The following APC2 variants were observed in gnomAD, a reference collection of about 807,000 sequenced individuals.
The protein encoded by APC2 is adenomatous polyposis coli protein 2.
A neutral mutation model predicts 72.5 loss-of-function variants in APC2; 41 were observed. That is an observed-to-expected ratio of 0.57 (90% CI 0.44 to 0.73). The LOEUF (loss-of-function observed/expected upper bound fraction) is 0.73. Among genes scored for constraint, APC2 ranks in the 30% least tolerant of loss-of-function variants. The probability of loss-of-function intolerance (pLI) is 0.00; values close to 1 mark genes in which losing one functional copy is unlikely to be tolerated. For missense variants in APC2, 3,729 were observed against 3,403.4 expected (o/e 1.10, Z -2.38); for synonymous variants, 1,898 against 1,612.0 (o/e 1.18, Z -4.25).
At chr19:1,447,117 C>T (rs2083694841), upstream of APC2, among the ~76,000 whole-genome samples, 1 of 152,198 alleles carries the variant, frequency 6.6e-6, no homozygotes, top group South Asian at 2.1e-4. Flanking sequence ...GCGGCCTGGA[C>T]CGGCCTACCC....
Position 1,471,411 on chromosome 19 carries a change from G to A in APC2, c.*1198G>A, listed in dbSNP as rs1301982534. The A allele has an allele frequency of 2.0e-5, 3 of 152,342 alleles. No homozygotes were observed. The highest frequency in any genetic ancestry group is 7.2e-5 in the African/African-American group (3 of 41,460). The allele number at this position is 152,342 out of a possible 1,614,324, so 9.4% of individuals were successfully genotyped here. A position where few individuals can be genotyped will look rare whatever the true frequency, so the allele number is the denominator to read the frequency against. ...GGGCCTTCCGGCAGGTGAACGCAGGGCTGGAGAGTATTTGGTGCCAGATGA... is the reference window on the plus strand; with the variant it reads ...GGGCCTTCCGGCAGGTGAACGCAGGACTGGAGAGTATTTGGTGCCAGATGA... On this transcript the variant is annotated 3_prime_UTR_variant, in exon 15 of 15. Transcript: ENST00000590469.
intron 8 of APC2, among the ~76,000 whole-genome samples, 159 bp from the exon 9 acceptor site, chr19:1,456,694 C>G (rs942391449): frequency 1.3e-5 from 2 of 152,082 alleles, no homozygotes; most frequent in Non-Finnish European, 2.9e-5. Context: ...CCAGCCTCCC[C>G]GAAGCACGTG....
In APC2 at chr19:1,457,010, AGGCCGCGGCCGGGGGTCGCGCCGG is replaced by A; in HGVS notation, c.979_1002del (p.Ala327_Ala334del). 1 of 1,529,286 alleles carries A rather than the reference AGGCCGCGGCCGGGGGTCGCGCCGG, an allele frequency of 6.5e-7. No individual in the cohort carries two copies. Among genetic ancestry groups the A allele is most frequent in the East Asian group, 2.5e-5 (1 of 39,736 alleles). 94.7% of individuals were successfully genotyped at this position (1,529,286 alleles called of 1,614,324 possible). A position where few individuals can be genotyped will look rare whatever the true frequency, so the allele number is the denominator to read the frequency against. On this transcript the variant is annotated inframe_deletion, in exon 9 of 15. Coordinates refer to ENST00000590469, the MANE Select transcript of APC2 (RefSeq NM_005883.3). ...CTGCTGCAAATCCTCCACGGCACCG[AGGCCGCGGCCGGGGGTCGCGCCGG>A]GGCCCCAGGGGCACCGGGCGCCAAG...
In APC2 at chr19:1,461,979, G is replaced by A; in HGVS notation, c.1655G>A (p.Ser552Asn). 6.2e-7 allele frequency: 1 copy of A among 1,612,000 alleles called. No homozygotes were observed. Among genetic ancestry groups the A allele is most frequent in the East Asian group, 2.2e-5 (1 of 44,842 alleles). ...CTCGTCCAGGAGTCCACCCTGAAGA[G>A]CGTGCTGAGCGCCCTGTGGAATCTG... ...LRATKESTLK[S>N]VLSALWNLSA... Residue 552 changes from serine (S) to asparagine (N), a missense_variant, in exon 14 of 15, where the codon AGC becomes AAC. Ser to Asn is a conservative substitution (Grantham distance 46). Coordinates refer to ENST00000590469, the MANE Select transcript of APC2 (RefSeq NM_005883.3).
At chr19:1,453,373 A>G in intron 3 of APC2, 36 bp downstream of exon 3, 1 of 1,610,904 alleles carries the variant, frequency 6.2e-7, no homozygotes, top group Non-Finnish European at 8.5e-7. Context: ...GGAGTGGGGG[A>G]GGCTGGGGGG....
At chr19:1,455,607 A>G in intron 6 of APC2, 107 bp downstream of exon 6, 21 of 1,118,674 alleles carry the variant, frequency 1.9e-5, no homozygotes, top group Non-Finnish European at 2.5e-5. Context: ...GAGGAGTCTT[A>G]TGCCTCCTGG....
At position 1,466,409 on chromosome 19, in the gene APC2, G is replaced by T. The variant is rs899517202; in HGVS notation, c.3108G>T (p.Leu1036=). Residue 1036 remains leucine, a synonymous_variant, in exon 15 of 15, where the codon CTG becomes CTT. Coordinates refer to ENST00000590469, the MANE Select transcript of APC2 (RefSeq NM_005883.3). ...AGGCCTGGCTGCCGGCAGACCACCT[G>T]AGCAAGGTTCCCGAGAAGCTGGCGG... ...RKQAWLPADH[L]SKVPEKLAAA... 1 of 1,596,614 alleles carries T rather than the reference G, an allele frequency of 6.3e-7. No individual in the cohort carries two copies.
chr19:1,447,003 C>T (rs1213230085), upstream of APC2, among the ~76,000 whole-genome samples: 1 of 152,054 alleles, frequency 6.6e-6, no homozygotes, highest in African/African-American at 2.4e-5. Context: ...CAAGAGAACG[C>T]GGGGCGGGGG....
In APC2 at chr19:1,452,891, C is replaced by CGGCTG; in HGVS notation, c.-18-90_-18-86dup. ...CCCCCCAACCCAGGATCAGGCAGGA[C>CGGCTG]GGCTGGGGCTTAGGTCAGGGGCCGT... On this transcript the variant is annotated intron_variant, in intron 1 of 14. Transcript: ENST00000590469. The surrounding 1 kb of genome is among the most constrained non-coding windows in gnomAD (Gnocchi z 5.1). 7.0e-7 allele frequency: 1 copy of CGGCTG among 1,434,616 alleles called. No individual in the cohort carries two copies. The highest frequency in any genetic ancestry group is 9.3e-7 in the Non-Finnish European group (1 of 1,069,804). 88.9% of individuals were successfully genotyped at this position (1,434,616 alleles called of 1,614,324 possible). A position where few individuals can be genotyped will look rare whatever the true frequency, so the allele number is the denominator to read the frequency against.
In APC2 at chr19:1,473,044, G is replaced by A. The variant is rs1464883130; in HGVS notation, c.*2831G>A. ...GTTGCCCCGGTCCAGCCCTGATGGCGCGCGCCTGGTCTGTCTGATTCCCCT... is the reference window on the plus strand; with the variant it reads ...GTTGCCCCGGTCCAGCCCTGATGGCACGCGCCTGGTCTGTCTGATTCCCCT... On this transcript the variant is annotated 3_prime_UTR_variant, in exon 15 of 15. Coordinates refer to ENST00000590469, the MANE Select transcript of APC2 (RefSeq NM_005883.3). The A allele has an allele frequency of 3.3e-5, 5 of 152,298 alleles. No individual in the cohort carries two copies. Among genetic ancestry groups the A allele is most frequent in the Non-Finnish European group, 5.9e-5 (4 of 68,116 alleles). 9.4% of individuals were successfully genotyped at this position (152,298 alleles called of 1,614,324 possible).
Position 1,467,719 on chromosome 19 carries a change from C to G in APC2, c.4418C>G (p.Pro1473Arg), listed in dbSNP as rs998272900. ...CTGGAGCTGCCCCTGGGCCGGCCCC[C>G]GAGCGCCCCCGCAGACAAGGACGGC... ...AGLELPLGRPPSAPADKDGSK... is the reference protein window; with the variant it reads ...AGLELPLGRPRSAPADKDGSK... The change falls in exon 15 of 15, where the codon CCG becomes CGG. Residue 1473 changes from proline to arginine, a missense_variant. Pro to Arg is a moderately radical substitution (Grantham distance 103). Coordinates refer to ENST00000590469, the MANE Select transcript of APC2 (RefSeq NM_005883.3). 2.9e-5 allele frequency: 41 copies of G among 1,436,944 alleles called. No homozygotes were observed. Among genetic ancestry groups the G allele is most frequent in the Non-Finnish European group, 3.4e-5 (37 of 1,103,832 alleles). 89.0% of individuals were successfully genotyped at this position (1,436,944 alleles called of 1,614,324 possible).
chr19:1,466,542 C>T lies in APC2; in HGVS notation c.3241C>T (p.Arg1081Cys), dbSNP rs568311415. ...CCTTTCCTCGCTGTCCTCGGCCGGC[C>T]GCCCAGGCCCCAGCGAGGGTGGTGA... ...SSLSSLSSAGRPGPSEGGDLD... is the reference protein window; with the variant it reads ...SSLSSLSSAGCPGPSEGGDLD... The change falls in exon 15 of 15, where the codon CGC (arginine) becomes TGC (cysteine). Residue 1081 changes from arginine to cysteine, a missense_variant. Transcript: ENST00000590469. The T allele has an allele frequency of 3.4e-5, 54 of 1,585,010 alleles. No homozygotes were observed. The highest frequency in any genetic ancestry group is 4.0e-5 in the African/African-American group (3 of 74,616).
Position 1,469,598 on chromosome 19 carries a change from C to T in APC2, c.6297C>T (p.Tyr2099=), listed in dbSNP as rs767073272. 40 of 1,259,100 alleles carry T rather than the reference C, an allele frequency of 3.2e-5. No individual in the cohort carries two copies. Among genetic ancestry groups the T allele is most frequent in the Middle Eastern group, 6.3e-4 (2 of 3,160 alleles). The allele number at this position is 1,259,100 out of a possible 1,614,324, so 78.0% of individuals were successfully genotyped here. The change falls in exon 15 of 15, where the codon TAC becomes TAT. Residue 2099 remains tyrosine (Y), a synonymous_variant. Coordinates refer to ENST00000590469, the MANE Select transcript of APC2 (RefSeq NM_005883.3). ...CCCGGCCGGAGACTGTCAAGCGCTA[C>T]GCGTCGCTGCCGCACATCAGCGTGG... ...PAARPETVKR[Y]ASLPHISVAR...
intron 14 of APC2, among the ~76,000 whole-genome samples, chr19:1,464,701 C>T (rs1384249060): frequency 2.2e-5 from 3 of 138,264 alleles, no homozygotes; most frequent in Admixed American, 7.6e-5. Flanking sequence ...GGCGCGATCT[C>T]GGCTCACTGC....
chr19:1,460,449 G>C, intron 11 of APC2, 129 bp downstream of exon 11: 1 of 1,414,084 alleles, frequency 7.1e-7, no homozygotes, highest in Non-Finnish European at 9.7e-7. Flanking sequence ...ACTTACAGAC[G>C]GGTAGACTGA....
chr19:1,469,864 A>G lies in APC2; in HGVS notation c.6563A>G (p.Asp2188Gly). The G allele has an allele frequency of 6.6e-7, 1 of 1,521,116 alleles. No individual in the cohort carries two copies. Among genetic ancestry groups the G allele is most frequent in the Non-Finnish European group, 8.8e-7 (1 of 1,141,448 alleles). 94.2% of individuals were successfully genotyped at this position (1,521,116 alleles called of 1,614,324 possible). Residue 2188 changes from aspartate to glycine, a missense_variant, in exon 15 of 15, where the codon GAC becomes GGC. Coordinates refer to ENST00000590469, the MANE Select transcript of APC2 (RefSeq NM_005883.3). ...PAGPPPRKTSDAVVQTEEVAA... is the reference protein window; with the variant it reads ...PAGPPPRKTSGAVVQTEEVAA... Reference sequence around the variant, plus strand: ...GGGCCCCCGCCGCGCAAGACCAGCGACGCCGTGGTCCAGACCGAGGAGGTC... The same window carrying G: ...GGGCCCCCGCCGCGCAAGACCAGCGGCGCCGTGGTCCAGACCGAGGAGGTC...
chr19:1,456,247 C>T (rs2083823853), intron 7 of APC2, 59 bp from the exon 8 acceptor site: 31 of 1,562,778 alleles, frequency 2.0e-5, no homozygotes, highest in Non-Finnish European at 2.6e-5. Context: ...CACATCATCA[C>T]GGGTGAGCAG....
chr19:1,467,706 C>A lies in APC2; in HGVS notation c.4405C>A (p.Leu1469Met). The A allele has an allele frequency of 6.9e-7, 1 of 1,446,424 alleles. No homozygotes were observed. Among genetic ancestry groups the A allele is most frequent in the South Asian group, 1.4e-5 (1 of 71,118 alleles). 89.6% of individuals were successfully genotyped at this position (1,446,424 alleles called of 1,614,324 possible). A position where few individuals can be genotyped will look rare whatever the true frequency, so the allele number is the denominator to read the frequency against. Residue 1469 changes from leucine (L) to methionine (M), a missense_variant, in exon 15 of 15, where the codon CTG becomes ATG. Physicochemically the swap from Leu to Met is conservative, Grantham distance 15. Transcript: ENST00000590469. ...GAACAGAGCAGGGCTGGAGCTGCCC[C>A]TGGGCCGGCCCCCGAGCGCCCCCGC... is the stretch of plus-strand genomic sequence containing the variant. The part of the protein sequence containing the change: ...GKNRAGLELP[L>M]GRPPSAPADK...
In APC2 at chr19:1,460,327, G is replaced by A. The variant is rs751074991; in HGVS notation, c.1443+7G>A. 7.9e-5 allele frequency: 127 copies of A among 1,613,046 alleles called. No individual in the cohort carries two copies. Among genetic ancestry groups the A allele is most frequent in the Middle Eastern group, 3.3e-4 (2 of 6,084 alleles). On this transcript the variant is annotated splice_region_variant and intron_variant, in intron 11 of 14. Transcript: ENST00000590469. ...TGGGGACGTTGCCAACAAGGTGCCC[G>A]GGGGCAGTGGGTGGGCTGGCACTTT...
Sources: allele counts gnomAD v4.1 joint callset (sites outside exome capture counted in the v4.1 genomes callset), GRCh38; gene constraint gnomAD v4.1.1; non-coding constraint Gnocchi (gnomAD v3.1); transcripts MANE v1.5; gene names NCBI Gene and HGNC (gene_info 2026-07-23, HGNC 2026-07-21).